RANBP2: variants seen among roughly 807,000 people sequenced by gnomAD.
RANBP2 encodes the protein RAN binding protein 2.
RANBP2 carries 57 observed loss-of-function variants against 303.6 expected under a neutral mutation model. The ratio of observed to expected loss-of-function variants is 0.19; its 90% CI spans 0.15 to 0.23. RANBP2 has a LOEUF of 0.23. Among genes scored for constraint, RANBP2 ranks in the 10% least tolerant of loss-of-function variants. The probability of loss-of-function intolerance (pLI) is 1.00; values close to 1 mark genes in which losing one functional copy is unlikely to be tolerated. For missense variants in RANBP2, 3,138 were observed against 3,780.8 expected (o/e 0.83, Z 4.46); for synonymous variants, 1,167 against 1,301.5 (o/e 0.90, Z 2.23).
chr2:109,296,083 T>G, the RANBP2 span, among the ~76,000 whole-genome samples: 2 of 152,102 alleles, frequency 1.3e-5, no homozygotes, highest in Admixed American at 6.5e-5. Context: ...CCAGCCAGGT[T>G]GGCCCCCCAG....
chr2:109,290,419 C>T, the RANBP2 span, among the ~76,000 whole-genome samples: 13 of 152,338 alleles, frequency 8.5e-5, no homozygotes, highest in African/African-American at 2.6e-4. Flanking sequence ...CTGCCACACA[C>T]GAACACACAC....
chr2:108,828,983 GA>G, the RANBP2 span, among the ~76,000 whole-genome samples: 533 of 151,876 alleles, frequency 3.5e-3, 7 homozygotes, highest in African/African-American at 0.012. Flanking sequence ...CTCTCAAAAA[GA>G]AAAAAATTTA....
At chr2:109,025,396 A>T in the RANBP2 span, among the ~76,000 whole-genome samples, 1 of 152,240 alleles carries the variant, frequency 6.6e-6, no homozygotes, top group South Asian at 2.1e-4. Flanking sequence ...ATGTTTAAAA[A>T]GATCTGTTTT....
At chr2:109,704,244 C>T in the RANBP2 span, among the ~76,000 whole-genome samples, 2 of 152,016 alleles carry the variant, frequency 1.3e-5, no homozygotes, top group South Asian at 2.1e-4. Flanking sequence ...GAGAACTGCT[C>T]TAGAAAGGAA....
At chr2:109,762,418 T>A in the RANBP2 span, among the ~76,000 whole-genome samples, 2 of 150,206 alleles carry the variant, frequency 1.3e-5, no homozygotes, top group Non-Finnish European at 2.9e-5. Flanking sequence ...AAAGGCAGTT[T>A]TTCAGTCAAA....
the RANBP2 span, among the ~76,000 whole-genome samples, chr2:108,848,449 A>G: frequency 6.6e-6 from 1 of 152,220 alleles, no homozygotes; most frequent in Non-Finnish European, 1.5e-5. Context: ...ATAACAGGGC[A>G]TAAGAATATG....
the RANBP2 span, among the ~76,000 whole-genome samples, chr2:109,335,115 T>G: frequency 4.6e-5 from 7 of 152,192 alleles, no homozygotes; most frequent in Non-Finnish European, 4.4e-5. Context: ...ACCGAACATT[T>G]CGTGTTTTCG....
At chr2:109,273,906 T>C in the RANBP2 span, among the ~76,000 whole-genome samples, 9 of 152,136 alleles carry the variant, frequency 5.9e-5, no homozygotes, top group African/African-American at 2.2e-4. Context: ...TGGGCTCTGG[T>C]GTGGTAGGAC....
the RANBP2 span, among the ~76,000 whole-genome samples, chr2:108,832,723 T>C: frequency 6.6e-6 from 1 of 152,166 alleles, no homozygotes; most frequent in East Asian, 1.9e-4. Flanking sequence ...CTGCTAAAAG[T>C]TAAGCTTTGA....
At chr2:109,192,280 A>C in the RANBP2 span, among the ~76,000 whole-genome samples, 1 of 152,222 alleles carries the variant, frequency 6.6e-6, no homozygotes. Flanking sequence ...TGTTTGGAGA[A>C]ATCGTGGCTT....
chr2:109,251,138 G>C, the RANBP2 span, among the ~76,000 whole-genome samples: 1 of 152,140 alleles, frequency 6.6e-6, no homozygotes, highest in South Asian at 2.1e-4. Flanking sequence ...CAGTAGCTGG[G>C]ATTACAGGCA....
At chr2:108,997,705 G>A in the RANBP2 span, among the ~76,000 whole-genome samples, 4 of 151,898 alleles carry the variant, frequency 2.6e-5, no homozygotes, top group African/African-American at 9.7e-5. Context: ...GCCTGGCCAA[G>A]ATGGTGAAGT....
rs1677128191 is a variant in RANBP2, at chr2:108,766,457, G to T, written c.5918G>T (p.Gly1973Val). 1 of 1,611,764 alleles carries T rather than the reference G, an allele frequency of 6.2e-7. No homozygotes were observed. Among genetic ancestry groups the T allele is most frequent in the African/African-American group, 1.3e-5 (1 of 74,794 alleles). The change falls in exon 20 of 29, where the codon GGT becomes GTT. Residue 1973 changes from glycine (G) to valine (V), a missense_variant. Coordinates refer to ENST00000283195, the MANE Select transcript of RANBP2 (RefSeq NM_006267.5). ...GACCCCAATTTCAAGGGATTTTCAGGTGCTGGAGAAAAATTATTCTCATCA... is the reference window on the plus strand; with the variant it reads ...GACCCCAATTTCAAGGGATTTTCAGTTGCTGGAGAAAAATTATTCTCATCA... ...KKDPNFKGFS[G>V]AGEKLFSSQY...
the RANBP2 span, among the ~76,000 whole-genome samples, chr2:109,008,677 C>T: frequency 2.0e-5 from 3 of 151,036 alleles, no homozygotes; most frequent in East Asian, 1.9e-4. Context: ...CCGAGATGGG[C>T]GGATCACGAG....
At chr2:109,131,818 C>T in the RANBP2 span, among the ~76,000 whole-genome samples, 2 of 152,158 alleles carry the variant, frequency 1.3e-5, no homozygotes, top group Admixed American at 6.5e-5. Flanking sequence ...TAGTCATGTT[C>T]ATGACTTTTT....
At chr2:108,906,562 T>C in the RANBP2 span, among the ~76,000 whole-genome samples, 1 of 152,184 alleles carries the variant, frequency 6.6e-6, no homozygotes, top group Non-Finnish European at 1.5e-5. Flanking sequence ...TCAAACATTT[T>C]TGGGGTCTAC....
the RANBP2 span, among the ~76,000 whole-genome samples, chr2:108,811,732 A>G: frequency 6.6e-6 from 1 of 152,058 alleles, no homozygotes; most frequent in South Asian, 2.1e-4. Context: ...TGAACATTGT[A>G]CCCAGTAGGT....
chr2:108,803,163 A>G, the RANBP2 span, among the ~76,000 whole-genome samples: 2 of 152,196 alleles, frequency 1.3e-5, no homozygotes, highest in African/African-American at 2.4e-5. Context: ...GCCAAGACTT[A>G]GGTAATAGTT....
At chr2:109,315,771 G>A in the RANBP2 span, among the ~76,000 whole-genome samples, 2 of 152,212 alleles carry the variant, frequency 1.3e-5, no homozygotes, top group African/African-American at 4.8e-5. Context: ...GAGTATTCAG[G>A]TGAATGCCGG....
Sources: gnomAD v4.1 joint callset for allele counts (sites outside exome capture counted in the v4.1 genomes callset) on GRCh38, gnomAD v4.1.1 for gene constraint, MANE v1.5 for transcripts, NCBI Gene and HGNC (gene_info 2026-07-23, HGNC 2026-07-21) for gene names.